The following TRIM14 variants were observed in gnomAD, a reference collection of about 807,000 sequenced individuals.
The protein encoded by TRIM14 is tripartite motif-containing protein 14.
TRIM14 carries 28 observed loss-of-function variants against 44.5 expected under a neutral mutation model. That is an observed-to-expected ratio of 0.63 (90% CI 0.47 to 0.86). The LOEUF is 0.86. Among genes scored for constraint, TRIM14 ranks in the 40% least tolerant of loss-of-function variants. The pLI is 0.00. For missense variants in TRIM14, 607 were observed against 611.1 expected (o/e 0.99, Z 0.07); for synonymous variants, 299 against 269.2 (o/e 1.11, Z -1.08).
intron 6 of TRIM14, among the ~76,000 whole-genome samples, chr9:98,079,296 T>C (rs548534053): frequency 1.1e-3 from 169 of 152,340 alleles, no homozygotes; most frequent in Non-Finnish European, 2.2e-3. Flanking sequence ...AAAATATGTA[T>C]GTAATTATCA....
chr9:98,102,550 G>T (rs1587962783), intron 2 of TRIM14, among the ~76,000 whole-genome samples: 3 of 152,260 alleles, frequency 2.0e-5, no homozygotes, highest in South Asian at 4.1e-4. Context: ...GAACCTCGAA[G>T]ACATCATCCC....
chr9:98,110,267 C>T (rs1438787671), intron 1 of TRIM14: 1 of 395,950 alleles, frequency 2.5e-6, no homozygotes, highest in South Asian at 2.8e-5. Flanking sequence ...CTTGCTTTTC[C>T]AGCCTTTCAA....
intron 3 of TRIM14, 89 bp downstream of exon 3, chr9:98,099,842 G>C: frequency 2.6e-6 from 3 of 1,150,152 alleles, no homozygotes; most frequent in Non-Finnish European, 3.8e-6. Flanking sequence ...TACTTGCTTA[G>C]TGTGTCAATA....
intron 5 of TRIM14, among the ~76,000 whole-genome samples, chr9:98,091,301 T>TA (rs2118268384): frequency 6.6e-6 from 1 of 152,006 alleles, no homozygotes; most frequent in Admixed American, 6.5e-5. Flanking sequence ...ATGATAAAAA[T>TA]AAAAAATTAG....
At chr9:98,074,772 C>T (rs1279536969) in intron 6 of TRIM14, 3 of 152,156 alleles carry the variant, frequency 2.0e-5, no homozygotes, top group African/African-American at 7.2e-5. Context: ...GTTTCTGCTT[C>T]TGTTTATGCC....
chr9:98,060,731 T>G, the TRIM14 span: 1 of 1,580,880 alleles, frequency 6.3e-7, no homozygotes, highest in Non-Finnish European at 8.7e-7. Flanking sequence ...TTTTTTCCTT[T>G]TTTTGAGAAT....
chr9:98,087,791 C>T lies in TRIM14; in HGVS notation c.1008G>A (p.Trp336Ter). ...VDVQEAGAGW[W>*]VGAAYASLRR... ...GAAGGGAGGCGTAGGCCGCGCCCAC[C>T]CACCAGCCGGCGCCCGCCTCCTGCA... The change falls in exon 6 of 6, where the codon TGG (tryptophan) becomes TGA (stop). Residue 336 changes from tryptophan (W) to a stop codon, truncating the protein, a stop_gained. Transcript: ENST00000341469. LOFTEE classifies it high-confidence loss of function. The T allele has an allele frequency of 6.7e-7, 1 of 1,502,594 alleles. No homozygotes were observed. The highest frequency in any genetic ancestry group is 8.8e-7 in the Non-Finnish European group (1 of 1,137,076). 93.1% of individuals were successfully genotyped at this position (1,502,594 alleles called of 1,614,324 possible). A position where few individuals can be genotyped will look rare whatever the true frequency, so the allele number is the denominator to read the frequency against.
the TRIM14 span, among the ~76,000 whole-genome samples, chr9:98,054,688 T>C: frequency 6.6e-6 from 1 of 152,296 alleles, no homozygotes; most frequent in Admixed American, 6.5e-5. Context: ...TCCATACATA[T>C]TGGGCTAGTA....
intron 5 of TRIM14, among the ~76,000 whole-genome samples, chr9:98,088,961 G>A (rs1046832231): frequency 5.9e-5 from 9 of 152,150 alleles, no homozygotes; most frequent in African/African-American, 1.9e-4. Flanking sequence ...CACAGGGTAT[G>A]TGGATATTCA....
rs926144144 is a variant in TRIM14, at chr9:98,086,582, T to A, written c.*888A>T. On this transcript the variant is annotated 3_prime_UTR_variant, in exon 6 of 6. Coordinates refer to ENST00000341469, the MANE Select transcript of TRIM14 (RefSeq NM_014788.4). ...ACAGGTCCCAGATTTGTGGCTCTGATAGTGAGATTCTTGTTCCTTGGTTAG... is the reference window on the plus strand; with the variant it reads ...ACAGGTCCCAGATTTGTGGCTCTGAAAGTGAGATTCTTGTTCCTTGGTTAG... 3.3e-5 allele frequency: 5 copies of A among 152,180 alleles called. No homozygotes were observed. Among genetic ancestry groups the A allele is most frequent in the African/African-American group, 7.2e-5 (3 of 41,408 alleles). 9.4% of individuals were successfully genotyped at this position (152,180 alleles called of 1,614,324 possible). A position where few individuals can be genotyped will look rare whatever the true frequency, so the allele number is the denominator to read the frequency against.
the TRIM14 span, among the ~76,000 whole-genome samples, chr9:98,057,637 C>T: frequency 1.3e-5 from 2 of 152,232 alleles, no homozygotes; most frequent in East Asian, 3.9e-4. Flanking sequence ...GCACTTGGCA[C>T]ACATGAGTCG....
At chr9:98,061,454 G>A in the TRIM14 span, among the ~76,000 whole-genome samples, 1 of 131,628 alleles carries the variant, frequency 7.6e-6, no homozygotes, top group African/African-American at 2.9e-5. Flanking sequence ...TCCAGCCTGG[G>A]CAACAGAACA....
At chr9:98,060,490 G>A in the TRIM14 span, among the ~76,000 whole-genome samples, 3 of 152,122 alleles carry the variant, frequency 2.0e-5, no homozygotes, top group East Asian at 3.9e-4. Context: ...CCAATGTGGC[G>A]AAACCTTGTC....
chr9:98,043,529 A>G, the TRIM14 span, among the ~76,000 whole-genome samples: 2 of 152,026 alleles, frequency 1.3e-5, no homozygotes, highest in Admixed American at 1.3e-4. Flanking sequence ...TTACATCTCT[A>G]AATTCAGAGA....
chr9:98,081,040 A>C (rs773058633), downstream of TRIM14: 5 of 1,614,118 alleles, frequency 3.1e-6, no homozygotes, highest in South Asian at 5.5e-5. Flanking sequence ...TGGGCTCCCC[A>C]ACCAAGCAGC....
chr9:98,109,111 T>A (rs1564188098), intron 2 of TRIM14, among the ~76,000 whole-genome samples: 1 of 152,070 alleles, frequency 6.6e-6, no homozygotes, highest in Admixed American at 6.6e-5. Flanking sequence ...CTCGAACTCC[T>A]GGGCTCAAGT....
intron 2 of TRIM14, among the ~76,000 whole-genome samples, chr9:98,100,545 A>T (rs566508756): frequency 8.5e-4 from 130 of 152,306 alleles, no homozygotes; most frequent in African/African-American, 3.0e-3. Context: ...AATCATTAGG[A>T]GAGAGAATAA....
At chr9:98,094,765 T>C (rs556147265) in intron 4 of TRIM14, 102 bp downstream of exon 4, 111 of 1,402,010 alleles carry the variant, frequency 7.9e-5, no homozygotes, top group Non-Finnish European at 1.1e-4. Context: ...AGGGCCTCAG[T>C]GTGGGAGAGA....
intron 6 of TRIM14, among the ~76,000 whole-genome samples, chr9:98,078,836 G>GAAAA (rs11424970): frequency 8.1e-6 from 1 of 123,024 alleles, no homozygotes; most frequent in Non-Finnish European, 1.6e-5. Flanking sequence ...CTCTCAGGGG[G>GAAAA]AAAAAAAAAA....
Sources: gnomAD v4.1 joint callset for allele counts (sites outside exome capture counted in the v4.1 genomes callset) on GRCh38, gnomAD v4.1.1 for gene constraint, MANE v1.5 for transcripts, NCBI Gene and HGNC (gene_info 2026-07-23, HGNC 2026-07-21) for gene names.